Variants in NYAP2 observed in about 807,000 individuals in gnomAD.
NYAP2 encodes the protein neuronal tyrosine-phosphorylated phosphoinositide-3-kinase adaptor 2.
In NYAP2, 23 loss-of-function variants were observed where a neutral mutation model predicts 50.4. That is an observed-to-expected ratio of 0.46 (90% confidence interval 0.33 to 0.65). The LOEUF (loss-of-function observed/expected upper bound fraction) is 0.65. NYAP2 is among the 30% of genes least tolerant of loss of function. NYAP2 has a pLI of 0.02. For synonymous variants in NYAP2, 394 were observed against 365.2 expected (o/e 1.08, Z -0.90); for missense variants, 885 against 861.0 (o/e 1.03, Z -0.35).
At chr2:225,443,030 A>G (rs1305580189) in intron 3 of NYAP2, among the ~76,000 whole-genome samples, 1 of 152,150 alleles carries the variant, frequency 6.6e-6, no homozygotes, top group African/African-American at 2.4e-5. Context: ...CATCAGTCTC[A>G]TGAGACTTAT....
At chr2:225,646,811 T>G (rs1693642913) in intron 6 of NYAP2, among the ~76,000 whole-genome samples, 1 of 152,106 alleles carries the variant, frequency 6.6e-6, no homozygotes, top group South Asian at 2.1e-4. Context: ...GGTTAGTGAT[T>G]TATATTGCAG....
the NYAP2 span, among the ~76,000 whole-genome samples, chr2:225,690,920 T>G: frequency 6.6e-6 from 1 of 152,164 alleles, no homozygotes; most frequent in Non-Finnish European, 1.5e-5. Flanking sequence ...AATAGATACT[T>G]ATTTTAAGGG....
chr2:225,657,102 CTT>C (rs375126014), downstream of NYAP2, among the ~76,000 whole-genome samples: 162 of 101,072 alleles, frequency 1.6e-3, no homozygotes, highest in African/African-American at 5.8e-3. Context: ...AATCTAATTC[CTT>C]TTTTTTTTTT....
At chr2:225,471,596 C>T (rs1690012985) in intron 3 of NYAP2, among the ~76,000 whole-genome samples, 1 of 152,176 alleles carries the variant, frequency 6.6e-6, no homozygotes, top group Non-Finnish European at 1.5e-5. Flanking sequence ...CAAACACCTG[C>T]ATGGCTGCAG....
intron 5 of NYAP2, 57 bp downstream of exon 5, chr2:225,583,092 G>GTGAA (rs1692328087): frequency 6.4e-7 from 1 of 1,559,448 alleles, no homozygotes; most frequent in African/African-American, 1.4e-5. Flanking sequence ...TACAACCAGG[G>GTGAA]TGAAGCCCAT....
At chr2:225,531,881 T>C (rs7603139) in intron 4 of NYAP2, among the ~76,000 whole-genome samples, 65 of 152,332 alleles carry the variant, frequency 4.3e-4, no homozygotes, top group Admixed American at 3.5e-3. Flanking sequence ...TATTTATGAA[T>C]CTTGATTGGT....
At chr2:225,481,475 A>T (rs1228198789) in intron 3 of NYAP2, among the ~76,000 whole-genome samples, 1 of 152,160 alleles carries the variant, frequency 6.6e-6, no homozygotes, top group Non-Finnish European at 1.5e-5. Context: ...AACATAAAAC[A>T]TATTTACTTA....
At chr2:225,438,871 G>T (rs895306087) in intron 3 of NYAP2, among the ~76,000 whole-genome samples, 2 of 152,178 alleles carry the variant, frequency 1.3e-5, no homozygotes, top group African/African-American at 2.4e-5. Context: ...AGTATGAGTA[G>T]AAGAGTTTTC....
the NYAP2 span, among the ~76,000 whole-genome samples, chr2:225,666,996 C>T: frequency 2.6e-5 from 4 of 151,888 alleles, no homozygotes; most frequent in African/African-American, 9.7e-5. Context: ...AAGTAAGTCA[C>T]GGTATATAGG....
In NYAP2 at chr2:225,582,434, T is replaced by G; in HGVS notation, c.1017T>G (p.Phe339Leu). ...CTCACAGACCCCCGCTGCTGGTATT[T>G]CCCCCCGCCCCCGTGCATTGCTCCC... Residue 339 changes from phenylalanine (F) to leucine (L), a missense_variant, in exon 5 of 7, where the codon TTT becomes TTG. Coordinates refer to ENST00000636099, the Ensembl canonical transcript of NYAP2. The surrounding 1 kb of genome is among the most constrained non-coding windows in gnomAD (Gnocchi z 7.0). The G allele has an allele frequency of 6.4e-7, 1 of 1,564,568 alleles. No homozygotes were observed. The highest frequency in any genetic ancestry group is 8.7e-7 in the Non-Finnish European group (1 of 1,148,092).
At chr2:225,529,308 T>TTTTGTTTTATGTATTTTTGTTTG (rs1691209917) in intron 4 of NYAP2, among the ~76,000 whole-genome samples, 1 of 151,970 alleles carries the variant, frequency 6.6e-6, no homozygotes, top group Non-Finnish European at 1.5e-5. Flanking sequence ...TTTGTTTGTT[T>TTTTGTTTTATGTATTTTTGTTTG]TTTGTTTTAT....
rs1553544779 is a variant in NYAP2 at position 225,512,835 on chromosome 2, C to CTCTCTT, written c.222-533_222-532insCTTTCT. Among the ~76,000 whole-genome samples the CTCTCTT allele has an allele frequency of 1.5e-3, 88 of 58,810 alleles. No individual in the cohort carries two copies. In the East Asian group the frequency reaches 0.031, roughly 21 times the overall value. 38.6% of individuals were successfully genotyped at this position (58,810 alleles called of 152,430 possible). A position where few individuals can be genotyped will look rare whatever the true frequency, so the allele number is the denominator to read the frequency against. On this transcript the variant is annotated intron_variant, in intron 3 of 6. Transcript: ENST00000636099. The stretch of plus-strand genomic sequence containing the variant: ...TTTCTTTCTTTCTCTCTCTCTCTCT[C>CTCTCTT]TCTTTCTTTCTTTCTTTCTTCCTTC...
chr2:225,658,967 A>T (rs1250983194), downstream of NYAP2, among the ~76,000 whole-genome samples: 2 of 152,246 alleles, frequency 1.3e-5, no homozygotes, highest in East Asian at 3.8e-4. Flanking sequence ...CAAGTCCAGA[A>T]GTTCCATGAT....
chr2:225,603,627 T>C (rs1286789610), intron 5 of NYAP2, among the ~76,000 whole-genome samples: 1 of 152,102 alleles, frequency 6.6e-6, no homozygotes, highest in African/African-American at 2.4e-5. Flanking sequence ...GCCTCCACAT[T>C]GCTCCATTCT....
chr2:225,467,231 C>T (rs2106157122), intron 3 of NYAP2, among the ~76,000 whole-genome samples: 1 of 152,296 alleles, frequency 6.6e-6, no homozygotes, highest in East Asian at 1.9e-4. Context: ...CAATTAAACT[C>T]CACCATTTTG....
chr2:225,462,505 C>T (rs1051920586), intron 3 of NYAP2, among the ~76,000 whole-genome samples: 22 of 152,110 alleles, frequency 1.4e-4, no homozygotes, highest in African/African-American at 4.6e-4. Flanking sequence ...TCCAATTCTT[C>T]CATCCCAATG....
intron 5 of NYAP2, among the ~76,000 whole-genome samples, chr2:225,611,159 T>C (rs943718803): frequency 6.6e-6 from 1 of 152,160 alleles, no homozygotes; most frequent in Non-Finnish European, 1.5e-5. Flanking sequence ...TACTCTGTTA[T>C]GGAAAGTCTG....
At chr2:225,651,526 A>G (rs770377094) in exon 7 of NYAP2, 13 of 1,613,884 alleles carry the variant, frequency 8.1e-6, no homozygotes, top group Middle Eastern at 1.6e-4. Flanking sequence ...GTGACCTGCA[A>G]CAGAGCCAGG....
chr2:225,657,882 A>T (rs1036414987), downstream of NYAP2, among the ~76,000 whole-genome samples: 2 of 152,198 alleles, frequency 1.3e-5, no homozygotes, highest in African/African-American at 4.8e-5. Context: ...ATAGCCACAG[A>T]ATATGTAGTT....
Sources: gnomAD v4.1 joint callset for allele counts (sites outside exome capture counted in the v4.1 genomes callset) on GRCh38, gnomAD v4.1.1 for gene constraint, Gnocchi (gnomAD v3.1) non-coding constraint, MANE v1.5 for transcripts, NCBI Gene and HGNC (gene_info 2026-07-23, HGNC 2026-07-21) for gene names.